The following NFIA variants were observed in gnomAD, a reference collection of about 807,000 sequenced individuals.
NFIA encodes nuclear factor 1 A-type.
Under a neutral mutation model 62.8 loss-of-function variants are expected in NFIA, and 8 were observed. The observed-to-expected ratio is 0.13, with a 90% CI of 0.07 to 0.23. The LOEUF is 0.23. Among genes scored for constraint, NFIA ranks in the 10% least tolerant of loss-of-function variants. NFIA has a pLI of 1.00. For synonymous variants in NFIA, 235 were observed against 238.1 expected, an observed-to-expected ratio of 0.99 and a Z score of 0.12; for missense variants, 410 against 642.1, an observed-to-expected ratio of 0.64 and a Z score of 3.91.
At chr1:61,207,974 C>CTTTTTT (rs11444962) in intron 2 of NFIA, among the ~76,000 whole-genome samples, 7 of 115,418 alleles carry the variant, frequency 6.1e-5, no homozygotes, top group African/African-American at 1.1e-4. Context: ...TGCACTGAAC[C>CTTTTTT]TTTTTTTTTT....
At position 61,120,000 on chromosome 1, in the gene NFIA, C is replaced by T. The variant is rs182564928; in HGVS notation, c.559+31320C>T. 2.3e-3 allele frequency among the ~76,000 whole-genome samples: 353 copies of T among 152,258 alleles called. 2 individuals carry two copies. The highest frequency in any genetic ancestry group is 7.6e-3 in the African/African-American group (317 of 41,556). ...ATTACCTGCATGTAGGTTATGCCCA[C>T]ATCGCAAAGAAATCTGATCTATATG... On this transcript the variant is annotated intron_variant, in intron 2 of 10. Transcript: ENST00000403491.
rs776931082 is a variant in NFIA at position 61,352,477 on chromosome 1, A to G, written c.728A>G (p.Asn243Ser). The G allele has an allele frequency of 2.5e-6, 4 of 1,613,786 alleles. No homozygotes were observed. Among genetic ancestry groups the G allele is most frequent in the Non-Finnish European group, 3.4e-6 (4 of 1,179,872 alleles). Residue 243 changes from asparagine to serine, a missense_variant, in exon 5 of 11, where the codon AAT becomes AGT. Physicochemically the swap from Asn to Ser is conservative, Grantham distance 46. Transcript: ENST00000403491. ...CCAATAGCTGCAGGAACTGGCCCAA[A>G]TTTTTCTCTCTCAGATTTGGAAAGT... ...QTPIAAGTGP[N>S]FSLSDLESSS...
chr1:61,355,452 A>C (rs1467202875), intron 5 of NFIA, among the ~76,000 whole-genome samples: 1 of 152,178 alleles, frequency 6.6e-6, no homozygotes, highest in Non-Finnish European at 1.5e-5. Flanking sequence ...ATTCCAAAAA[A>C]CTTTATCAAG....
At chr1:61,082,420 T>A (rs1175463718), upstream of NFIA, 6 of 986,048 alleles carry the variant, frequency 6.1e-6, no homozygotes, top group South Asian at 1.4e-4. Context: ...TGCGGTGCGG[T>A]GCAGAGCGGA....
At chr1:61,295,571 G>A (rs948285031) in intron 3 of NFIA, among the ~76,000 whole-genome samples, 3 of 152,118 alleles carry the variant, frequency 2.0e-5, no homozygotes, top group Non-Finnish European at 2.9e-5. Flanking sequence ...GGAGAGAAAG[G>A]GAGACCCTAC....
intron 2 of NFIA, among the ~76,000 whole-genome samples, chr1:61,259,671 A>G (rs989688187): frequency 2.0e-5 from 3 of 152,248 alleles, no homozygotes; most frequent in Non-Finnish European, 2.9e-5. Flanking sequence ...TGCTGTATAC[A>G]TGTGACTAAC....
intron 2 of NFIA, among the ~76,000 whole-genome samples, chr1:61,179,703 A>C (rs978399936): frequency 2.6e-5 from 4 of 152,154 alleles, no homozygotes; most frequent in Non-Finnish European, 5.9e-5. Context: ...AAGGGATTCA[A>C]ACCCTATGTA....
chr1:61,341,375 G>A (rs1661903395), intron 4 of NFIA, among the ~76,000 whole-genome samples: 1 of 152,038 alleles, frequency 6.6e-6, no homozygotes, highest in African/African-American at 2.4e-5. Context: ...CTTAAAAGTA[G>A]TACTTAGTTT....
chr1:61,290,882 A>T (rs1008972918), intron 3 of NFIA, among the ~76,000 whole-genome samples: 1 of 152,072 alleles, frequency 6.6e-6, no homozygotes, highest in Admixed American at 6.5e-5. Flanking sequence ...TTTGCTTTTG[A>T]CTTTATGCTT....
intron 2 of NFIA, among the ~76,000 whole-genome samples, chr1:61,224,981 A>G (rs970653188): frequency 6.6e-6 from 1 of 152,174 alleles, no homozygotes; most frequent in Non-Finnish European, 1.5e-5. Context: ...GGAAAGATTT[A>G]CTAATGAAGC....
At chr1:61,196,655 A>C (rs1327173534) in intron 2 of NFIA, among the ~76,000 whole-genome samples, 1 of 152,106 alleles carries the variant, frequency 6.6e-6, no homozygotes, top group Non-Finnish European at 1.5e-5. Context: ...TTGCTGTCCA[A>C]ACTAGTTAAT....
chr1:61,110,426 T>A (rs1646675865), intron 2 of NFIA, among the ~76,000 whole-genome samples: 1 of 151,986 alleles, frequency 6.6e-6, no homozygotes, highest in Non-Finnish European at 1.5e-5. Context: ...AATGATTTTT[T>A]AAAAAATATG....
intron 2 of NFIA, among the ~76,000 whole-genome samples, chr1:61,243,993 A>G (rs1239333769): frequency 6.6e-6 from 1 of 152,128 alleles, no homozygotes; most frequent in African/African-American, 2.4e-5. Flanking sequence ...TTTTAAATTT[A>G]TGTGGTGGTA....
chr1:61,291,216 C>T (rs541420307), intron 3 of NFIA, among the ~76,000 whole-genome samples: 17 of 152,314 alleles, frequency 1.1e-4, no homozygotes, highest in African/African-American at 4.1e-4. Flanking sequence ...CCATTGTACC[C>T]CTTTCCGGTG....
At chr1:61,343,556 C>G (rs1202421199) in intron 4 of NFIA, among the ~76,000 whole-genome samples, 2 of 152,100 alleles carry the variant, frequency 1.3e-5, no homozygotes, top group Non-Finnish European at 2.9e-5. Flanking sequence ...AAAAGCATTG[C>G]TTAAATCTTT....
chr1:61,449,030 A>G (rs1378431962), intron 10 of NFIA, among the ~76,000 whole-genome samples: 1 of 152,082 alleles, frequency 6.6e-6, no homozygotes, highest in African/African-American at 2.4e-5. Flanking sequence ...GGAGCAGCAC[A>G]GTCATTCTCC....
intron 6 of NFIA, among the ~76,000 whole-genome samples, chr1:61,369,890 A>G (rs559456201): frequency 6.6e-6 from 1 of 152,290 alleles, no homozygotes; most frequent in South Asian, 2.1e-4. Flanking sequence ...ATAGGGTCTT[A>G]TATTTTTCCT....
At chr1:61,283,496 C>T (rs758560531) in intron 3 of NFIA, among the ~76,000 whole-genome samples, 2 of 143,926 alleles carry the variant, frequency 1.4e-5, no homozygotes, top group East Asian at 2.1e-4. Context: ...GCAGGAGAAT[C>T]GTATGAACCC....
chr1:61,181,839 CAAATA>C (rs1396521627), intron 2 of NFIA, among the ~76,000 whole-genome samples: 2 of 152,028 alleles, frequency 1.3e-5, no homozygotes, highest in African/African-American at 4.8e-5. Flanking sequence ...AAAATATAAA[CAAATA>C]AAAGTGGTAA....
Sources: gnomAD v4.1 joint callset for allele counts (sites outside exome capture counted in the v4.1 genomes callset) on GRCh38, gnomAD v4.1.1 for gene constraint, MANE v1.5 for transcripts, NCBI Gene and HGNC (gene_info 2026-07-23, HGNC 2026-07-21) for gene names.